The following BTBD9 variants were observed in gnomAD, a reference collection of about 807,000 sequenced individuals.
BTBD9 encodes the protein BTB domain containing 9.
A neutral mutation model predicts 64.3 loss-of-function variants in BTBD9; 49 were observed. The observed-to-expected ratio is 0.76, with a 90% CI of 0.61 to 0.97. The LOEUF (loss-of-function observed/expected upper bound fraction) is 0.97, where lower values mean the gene tolerates loss of function less well. Among genes scored for constraint, BTBD9 ranks in the 50% least tolerant of loss-of-function variants. BTBD9 has a pLI of 0.00. For missense variants in BTBD9, 598 were observed against 762.1 expected, an observed-to-expected ratio of 0.78 and a Z score of 2.53; for synonymous variants, 260 against 274.7, an observed-to-expected ratio of 0.95 and a Z score of 0.53.
At chr6:38,478,654 G>C (rs1483255951) in intron 6 of BTBD9, among the ~76,000 whole-genome samples, 1 of 152,202 alleles carries the variant, frequency 6.6e-6, no homozygotes, top group Non-Finnish European at 1.5e-5. Context: ...TTGGCTTCCG[G>C]AAGGATTCTG....
intron 7 of BTBD9, among the ~76,000 whole-genome samples, chr6:38,300,215 A>G (rs1450299625): frequency 2.6e-5 from 4 of 152,126 alleles, no homozygotes; most frequent in Non-Finnish European, 4.4e-5. Flanking sequence ...CCATTGGTCT[A>G]TATCTCTGTT....
chr6:38,261,859 A>G (rs1016740952), intron 8 of BTBD9, among the ~76,000 whole-genome samples: 1 of 152,236 alleles, frequency 6.6e-6, no homozygotes, highest in Non-Finnish European at 1.5e-5. Context: ...ATCTCAGGTC[A>G]TCGAGCCTAG....
chr6:38,380,352 G>C (rs888158915), intron 6 of BTBD9, among the ~76,000 whole-genome samples: 1 of 152,224 alleles, frequency 6.6e-6, no homozygotes, highest in Non-Finnish European at 1.5e-5. Context: ...TGAGATGCAA[G>C]AAGGAATGGT....
chr6:38,407,994 A>G lies in BTBD9; in HGVS notation c.1155-62901T>C, dbSNP rs74531250. Among the ~76,000 whole-genome samples, 120 of 152,294 alleles carry G rather than the reference A, an allele frequency of 7.9e-4. 1 individual carries two copies. The East Asian group carries it at 0.021, about 27-fold the overall frequency. ...TATTTTTCCTAAAAAAGGAATCCCA[A>G]TGAAACAGCTGATACATAACCTAAA... On this transcript the variant is annotated intron_variant, in intron 6 of 10. Coordinates refer to ENST00000481247, the MANE Select transcript of BTBD9 (RefSeq NM_001099272.2).
intron 1 of BTBD9, among the ~76,000 whole-genome samples, chr6:38,601,912 A>T (rs1442892928): frequency 6.6e-6 from 1 of 152,222 alleles, no homozygotes; most frequent in African/African-American, 2.4e-5. Flanking sequence ...AACTAGCTAG[A>T]AAATATTAGT....
At chr6:38,220,017 C>T (rs1035670688) in intron 9 of BTBD9, among the ~76,000 whole-genome samples, 4 of 152,168 alleles carry the variant, frequency 2.6e-5, no homozygotes, top group African/African-American at 7.2e-5. Context: ...TAACCAACCA[C>T]GGAAGTAAAT....
intron 6 of BTBD9, among the ~76,000 whole-genome samples, chr6:38,511,777 T>C (rs930681541): frequency 6.6e-6 from 1 of 152,118 alleles, no homozygotes; most frequent in African/African-American, 2.4e-5. Context: ...AAGTTTCACA[T>C]GGAAAGGCAA....
intron 8 of BTBD9, among the ~76,000 whole-genome samples, chr6:38,257,801 G>A (rs559256035): frequency 2.4e-4 from 37 of 152,084 alleles, no homozygotes; most frequent in Non-Finnish European, 5.1e-4. Flanking sequence ...CAGAACAGTG[G>A]TTAGTTCTGG....
intron 9 of BTBD9, among the ~76,000 whole-genome samples, chr6:38,228,974 G>A (rs776445176): frequency 1.3e-5 from 2 of 151,356 alleles, no homozygotes; most frequent in Admixed American, 6.6e-5. Context: ...TGAGGTGGGC[G>A]GATCATGAGG....
At chr6:38,576,735 C>T (rs1776053386) in intron 6 of BTBD9, among the ~76,000 whole-genome samples, 1 of 152,138 alleles carries the variant, frequency 6.6e-6, no homozygotes, top group South Asian at 2.1e-4. Flanking sequence ...AAACTAATCA[C>T]TTTCTACCTT....
At chr6:38,436,771 C>T (rs1002728608) in intron 6 of BTBD9, among the ~76,000 whole-genome samples, 15 of 152,186 alleles carry the variant, frequency 9.9e-5, no homozygotes, top group Non-Finnish European at 2.1e-4. Context: ...GCCTTGCTTG[C>T]GCTCCCAACT....
chr6:38,234,233 C>T (rs1361169753), intron 9 of BTBD9, among the ~76,000 whole-genome samples: 1 of 152,224 alleles, frequency 6.6e-6, no homozygotes, highest in African/African-American at 2.4e-5. Context: ...TCACAGCCTT[C>T]GTCTCCAGGA....
intron 8 of BTBD9, among the ~76,000 whole-genome samples, chr6:38,267,644 A>G (rs1346712328): frequency 6.6e-6 from 1 of 152,216 alleles, no homozygotes; most frequent in Non-Finnish European, 1.5e-5. Context: ...TACTAAGTTA[A>G]ACCGAAGGAG....
At position 38,266,629 on chromosome 6, in the gene BTBD9, A is replaced by AG. The variant is rs1253856980; in HGVS notation, c.1455-10114dup. Among the ~76,000 whole-genome samples the AG allele has an allele frequency of 2.3e-3, 195 of 83,960 alleles. 1 individual carries two copies. The highest frequency in any genetic ancestry group is 9.7e-4 in the Non-Finnish European group (39 of 40,046). The allele number at this position is 83,960 out of a possible 152,430, so 55.1% of individuals were successfully genotyped here. ...AGGAAAGAAAGAAAGAAAGAAAGAA[A>AG]GAAAGAAAGAAAGAAAGAAAGAAAG... On this transcript the variant is annotated intron_variant, in intron 8 of 10. Transcript: ENST00000481247.
At chr6:38,360,066 TA>T (rs1764889078) in intron 6 of BTBD9, among the ~76,000 whole-genome samples, 1 of 152,232 alleles carries the variant, frequency 6.6e-6, no homozygotes, top group South Asian at 2.1e-4. Context: ...GATAATTATA[TA>T]CTGTGCTTTA....
At chr6:38,494,854 G>C (rs1317676185) in intron 6 of BTBD9, among the ~76,000 whole-genome samples, 1 of 152,138 alleles carries the variant, frequency 6.6e-6, no homozygotes, top group South Asian at 2.1e-4. Flanking sequence ...AATGAAAAGA[G>C]ATCATAATTC....
intron 1 of BTBD9, chr6:38,612,994 A>G (rs1447302596): frequency 6.6e-6 from 1 of 152,238 alleles, no homozygotes; most frequent in Admixed American, 6.5e-5. Context: ...ACATGTGGCT[A>G]CCGAGCACTT....
intron 7 of BTBD9, among the ~76,000 whole-genome samples, chr6:38,291,676 T>A (rs1266583840): frequency 6.6e-6 from 1 of 152,214 alleles, no homozygotes; most frequent in African/African-American, 2.4e-5. Flanking sequence ...CATCAATACC[T>A]AGTTTACTGA....
intron 6 of BTBD9, among the ~76,000 whole-genome samples, chr6:38,562,339 G>A (rs796339903): frequency 6.6e-6 from 1 of 152,168 alleles, no homozygotes; most frequent in African/African-American, 2.4e-5. Context: ...TCTTTAAAAA[G>A]TACATGCATT....
Sources: allele counts gnomAD v4.1 joint callset (sites outside exome capture counted in the v4.1 genomes callset), GRCh38; gene constraint gnomAD v4.1.1; transcripts MANE v1.5; gene names NCBI Gene and HGNC (gene_info 2026-07-23, HGNC 2026-07-21).